The following DAB1 variants were observed in gnomAD, a reference collection of about 807,000 sequenced individuals.
The protein encoded by DAB1 is DAB adaptor protein 1.
DAB1 carries 15 observed loss-of-function variants against 64.6 expected under a neutral mutation model. The ratio of observed to expected loss-of-function variants is 0.23; its 90% CI spans 0.16 to 0.36. The LOEUF is 0.36. Among genes scored for constraint, DAB1 ranks in the 10% least tolerant of loss-of-function variants. The pLI is 1.00. For missense variants in DAB1, 596 were observed against 706.7 expected, an observed-to-expected ratio of 0.84 and a Z score of 1.78; for synonymous variants, 235 against 251.9, an observed-to-expected ratio of 0.93 and a Z score of 0.64.
chr1:58,344,065 G>T lies in DAB1; in HGVS notation n.258-662C>A, dbSNP rs141001676. Among the ~76,000 whole-genome samples, 533 of 152,144 alleles carry T rather than the reference G, an allele frequency of 3.5e-3. 2 individuals carry two copies. Among genetic ancestry groups the T allele is most frequent in the African/African-American group, 0.011 (465 of 41,506 alleles). On this transcript the variant is annotated intron_variant and non_coding_transcript_variant, in intron 3 of 20. Transcript: ENST00000485760. ...GAGACATTTTCATGAAGAGGCTTTGGAATGAGACCAACCTGGATTTGAATC... is the reference window on the plus strand; with the variant it reads ...GAGACATTTTCATGAAGAGGCTTTGTAATGAGACCAACCTGGATTTGAATC...
intron 5 of DAB1, among the ~76,000 whole-genome samples, chr1:58,084,997 T>C (rs1281048426): frequency 6.6e-6 from 1 of 152,148 alleles, no homozygotes; most frequent in Non-Finnish European, 1.5e-5. Flanking sequence ...GACTGTGAAA[T>C]TGTCTTTGAA....
intron 5 of DAB1, among the ~76,000 whole-genome samples, chr1:58,090,956 C>T (rs1650621729): frequency 6.6e-6 from 1 of 152,190 alleles, no homozygotes; most frequent in South Asian, 2.1e-4. Context: ...CGGTTCAGTG[C>T]TACACACATT....
At chr1:58,037,962 T>G (rs568067043) in intron 5 of DAB1, among the ~76,000 whole-genome samples, 8 of 152,298 alleles carry the variant, frequency 5.3e-5, no homozygotes, top group Admixed American at 2.0e-4. Context: ...CCTGTTGATC[T>G]ACTCACTAAT....
chr1:58,377,934 C>T lies in DAB1; in HGVS notation n.258-34531G>A, dbSNP rs1644345210. ...TCTCGCTTCATTTCATTCATTTCAT[C>T]TTCCATTGCTGATACCCTTTCTTCC... On this transcript the variant is annotated intron_variant and non_coding_transcript_variant, in intron 3 of 20. Coordinates refer to the DAB1 transcript ENST00000485760. Among the ~76,000 whole-genome samples, 2 of 142,274 alleles carry T rather than the reference C, an allele frequency of 1.4e-5. 1 individual carries two copies. Among genetic ancestry groups the T allele is most frequent in the African/African-American group, 5.2e-5 (2 of 38,360 alleles). 93.3% of individuals were successfully genotyped at this position (142,274 alleles called of 152,430 possible).
intron 3 of DAB1, among the ~76,000 whole-genome samples, chr1:58,391,024 C>A (rs1404868576): frequency 6.6e-6 from 1 of 152,162 alleles, no homozygotes; most frequent in Non-Finnish European, 1.5e-5. Flanking sequence ...CAATCGCGGT[C>A]CCATCATACA....
intron 5 of DAB1, among the ~76,000 whole-genome samples, chr1:57,910,398 G>A (rs541398136): frequency 8.5e-5 from 13 of 152,308 alleles, no homozygotes; most frequent in African/African-American, 2.9e-4. Flanking sequence ...TTTAATTATA[G>A]GTGTTTAGAC....
intron 4 of DAB1, among the ~76,000 whole-genome samples, chr1:58,291,735 C>A (rs974491794): frequency 1.3e-5 from 2 of 152,114 alleles, no homozygotes; most frequent in Admixed American, 6.6e-5. Flanking sequence ...ATTGTGGGAA[C>A]CTGGCGGGGG....
downstream of DAB1, among the ~76,000 whole-genome samples, chr1:57,821,552 A>G (rs852767): frequency 0.31 from 47,661 of 152,116 alleles, 8,797 homozygotes; most frequent in Admixed American, 0.46. Flanking sequence ...AGCCATAGAC[A>G]ACCCAAAGGA....
At chr1:57,437,480 T>C (rs997195764) in intron 7 of DAB1, among the ~76,000 whole-genome samples, 1 of 152,244 alleles carries the variant, frequency 6.6e-6, no homozygotes, top group Non-Finnish European at 1.5e-5. Context: ...ACTGTAATTA[T>C]ACTGTGCAAT....
intron 5 of DAB1, among the ~76,000 whole-genome samples, chr1:58,042,643 G>A (rs1647154212): frequency 1.3e-5 from 2 of 152,200 alleles, no homozygotes; most frequent in South Asian, 4.1e-4. Flanking sequence ...TGGGACAGAA[G>A]TTGGGAAAGG....
At chr1:57,573,761 T>C (rs1431133495) in intron 7 of DAB1, among the ~76,000 whole-genome samples, 1 of 152,184 alleles carries the variant, frequency 6.6e-6, no homozygotes, top group African/African-American at 2.4e-5. Flanking sequence ...TCCCCAGTCA[T>C]CCCACCTCTG....
At chr1:58,118,570 A>G (rs545953105) in intron 5 of DAB1, among the ~76,000 whole-genome samples, 3,827 of 95,058 alleles carry the variant, frequency 0.04, 128 homozygotes, top group Admixed American at 0.094. Context: ...AAATACATAT[A>G]TATATATACA....
intron 3 of DAB1, among the ~76,000 whole-genome samples, chr1:58,437,408 C>G (rs1237454538): frequency 2.0e-5 from 3 of 152,144 alleles, no homozygotes; most frequent in Non-Finnish European, 2.9e-5. Context: ...TCCAATCCAT[C>G]AGAACAACAC....
At chr1:58,451,056 A>G (rs1645130506) in intron 3 of DAB1, among the ~76,000 whole-genome samples, 1 of 152,248 alleles carries the variant, frequency 6.6e-6, no homozygotes, top group Non-Finnish European at 1.5e-5. Flanking sequence ...CCAAGGAGAC[A>G]CAATAACTTT....
At chr1:57,699,933 GA>G (rs1488402339) in intron 6 of DAB1, among the ~76,000 whole-genome samples, 2 of 151,962 alleles carry the variant, frequency 1.3e-5, no homozygotes, top group Admixed American at 6.6e-5. Context: ...AATTAATAAG[GA>G]AACATTCTAG....
At chr1:57,200,598 G>A (rs945695832) in intron 2 of DAB1, among the ~76,000 whole-genome samples, 5 of 110,550 alleles carry the variant, frequency 4.5e-5, no homozygotes, top group Non-Finnish European at 1.8e-5. Flanking sequence ...AGTGTGGTGA[G>A]GTCTAAATGA....
rs1163626770 is a variant in DAB1, at chr1:57,109,209, G to T, written c.306+27334C>A. Among the ~76,000 whole-genome samples, 3 of 152,310 alleles carry T rather than the reference G, an allele frequency of 2.0e-5. No individual in the cohort carries two copies. In the East Asian group the frequency reaches 5.8e-4, roughly 29 times the overall value. On this transcript the variant is annotated intron_variant, in intron 4 of 14. Transcript: ENST00000371236. ...GCAAGCCCCAGACCTCTCATTCTGA[G>T]GACCAGCAGCCAGGGGCAACTCACC...
chr1:57,583,892 C>T (rs991007704), intron 7 of DAB1, among the ~76,000 whole-genome samples: 2 of 152,144 alleles, frequency 1.3e-5, no homozygotes, highest in African/African-American at 4.8e-5. Flanking sequence ...AGAAGTGGGG[C>T]TTACATGCCA....
chr1:57,150,938 T>A (rs1465991981), intron 2 of DAB1, among the ~76,000 whole-genome samples: 2 of 152,090 alleles, frequency 1.3e-5, no homozygotes, highest in Non-Finnish European at 2.9e-5. Context: ...GGAGGATTGC[T>A]TGAGCCCAGC....
Sources: allele counts gnomAD v4.1 joint callset (sites outside exome capture counted in the v4.1 genomes callset), GRCh38; gene constraint gnomAD v4.1.1; transcripts MANE v1.5; gene names NCBI Gene and HGNC (gene_info 2026-07-23, HGNC 2026-07-21).